Variants in SFTPC observed in about 807,000 individuals in gnomAD.
SFTPC encodes surfactant protein C, also known as BRICHOS domain containing 6.
In SFTPC, 12 loss-of-function variants were observed where a neutral mutation model predicts 19.9. The observed-to-expected ratio is 0.60, with a 90% CI of 0.39 to 0.98. The LOEUF is 0.98. Ranked by LOEUF, SFTPC falls within the 50% of genes least tolerant of loss-of-function variation. The pLI is 0.00. For missense variants in SFTPC, 219 were observed against 252.2 expected, an observed-to-expected ratio of 0.87 and a Z score of 0.89; for synonymous variants, 123 against 103.3, an observed-to-expected ratio of 1.19 and a Z score of -1.16.
upstream of SFTPC, chr8:22,159,603 C>T (rs1827634111): frequency 7.3e-6 from 3 of 411,722 alleles, no homozygotes; most frequent in South Asian, 5.3e-5. Flanking sequence ...CGCCACAGAG[C>T]TTGTGACAGC....
At chr8:22,164,100 C>T (rs1214162044) in intron 5 of SFTPC, 41 bp downstream of exon 5, 32 of 1,610,060 alleles carry the variant, frequency 2.0e-5, no homozygotes, top group Non-Finnish European at 2.6e-5. Flanking sequence ...GAGGAGCGCT[C>T]GGGCCACCTG....
At position 22,161,818 on chromosome 8, in the gene SFTPC, CCT is replaced by C. The variant is rs760698424; in HGVS notation, c.-10_-9del. The C allele has an allele frequency of 6.2e-7, 1 of 1,614,086 alleles. No individual in the cohort carries two copies. The highest frequency in any genetic ancestry group is 8.5e-7 in the Non-Finnish European group (1 of 1,180,024). On this transcript the variant is annotated 5_prime_UTR_variant, in exon 1 of 6. Coordinates refer to ENST00000679463, the MANE Select transcript of SFTPC (RefSeq NM_001317778.2). ...GAGAGGAGGAGAGGAGAGCATAGCA[CCT>C]GCAGCAAGATGGATGTGGGCAGCAA... is the stretch of plus-strand genomic sequence containing the variant.
chr8:22,162,216 G>A (rs1827763420), intron 1 of SFTPC, among the ~76,000 whole-genome samples: 2 of 152,190 alleles, frequency 1.3e-5, no homozygotes, highest in African/African-American at 4.8e-5. Flanking sequence ...TGGAGAAGGA[G>A]GAAGGCATTC....
intron 2 of SFTPC, 109 bp from the exon 3 acceptor site, chr8:22,162,971 C>G: frequency 6.5e-7 from 1 of 1,528,958 alleles, no homozygotes; most frequent in South Asian, 1.2e-5. Flanking sequence ...TCCCTGAACT[C>G]TTGGGAAAGA....
Position 22,161,863 on chromosome 8 carries a change from G to A in SFTPC, c.35G>A (p.Ser12Asn), listed in dbSNP as rs1827738336. ...GGCAGCAAAGAGGTCCTGATGGAGA[G>A]CCCGCCGGTGAGTGTGGTTGCGTGT... ...DVGSKEVLME[S>N]PPDYSAAPRG... The change falls in exon 1 of 6, where the codon AGC (serine) becomes AAC (asparagine). Residue 12 changes from serine (S) to asparagine (N), a missense_variant. By Grantham distance (46) the Ser-to-Asn change is conservative. Coordinates refer to ENST00000679463, the MANE Select transcript of SFTPC (RefSeq NM_001317778.2). The A allele has an allele frequency of 1.2e-6, 2 of 1,613,916 alleles. No homozygotes were observed. The highest frequency in any genetic ancestry group is 1.1e-5 in the South Asian group (1 of 91,086).
At chr8:22,161,528 G>A, upstream of SFTPC, 1 of 591,018 alleles carries the variant, frequency 1.7e-6, no homozygotes, top group South Asian at 2.0e-5. Context: ...ACGCCAGGAA[G>A]ACACCCATGG....
At chr8:22,159,699 CCAG>C (rs954790076), upstream of SFTPC, 10 of 1,014,682 alleles carry the variant, frequency 9.9e-6, no homozygotes, top group African/African-American at 1.7e-4. Flanking sequence ...CTCCCAGCAC[CCAG>C]CGATGGCGGC....
rs765120009 is a variant in SFTPC, at chr8:22,162,558, TG to T, written c.43-15del. 2.5e-6 allele frequency: 4 copies of T among 1,613,152 alleles called. No homozygotes were observed. The Admixed American group carries it at 5.0e-5, about 20-fold the overall frequency. ...ATGACCTCATGCCTGTCTCCTTGCC[TG>T]CCCCACCGTGTCAGGACTACTCCGC... is the stretch of plus-strand genomic sequence containing the variant. On this transcript the variant is annotated splice_polypyrimidine_tract_variant and intron_variant, in intron 1 of 5. Coordinates refer to ENST00000679463, the MANE Select transcript of SFTPC (RefSeq NM_001317778.2).
chr8:22,164,107 C>T (rs568615387), intron 5 of SFTPC, 48 bp downstream of exon 5: 1 of 1,609,186 alleles, frequency 6.2e-7, no homozygotes, highest in Non-Finnish European at 8.5e-7. Flanking sequence ...GCTCGGGCCA[C>T]CTGCCCGGGC....
At chr8:22,157,717 C>G (rs1413794506), upstream of SFTPC, 1 of 152,136 alleles carries the variant, frequency 6.6e-6, no homozygotes, top group Non-Finnish European at 1.5e-5. Flanking sequence ...ATGATTTGCC[C>G]TTTTCACTTC....
At chr8:22,160,331 G>A (rs1386131057), upstream of SFTPC, among the ~76,000 whole-genome samples, 1 of 152,194 alleles carries the variant, frequency 6.6e-6, no homozygotes, top group Non-Finnish European at 1.5e-5. Flanking sequence ...TAAAGGACAG[G>A]AGGCTGGTTG....
At chr8:22,157,483 G>A (rs1199395390), upstream of SFTPC, 1 of 154,422 alleles carries the variant, frequency 6.5e-6, no homozygotes, top group African/African-American at 2.4e-5. Flanking sequence ...AATCGTTTGA[G>A]GCAGGTGATA....
At chr8:22,163,585 C>A in intron 4 of SFTPC, 39 bp downstream of exon 4, 1 of 1,406,980 alleles carries the variant, frequency 7.1e-7, no homozygotes, top group Non-Finnish European at 1.0e-6. Context: ...CTGTCTCCCT[C>A]CCAGGGCTGC....
upstream of SFTPC, among the ~76,000 whole-genome samples, chr8:22,160,014 C>T (rs1358872977): frequency 6.6e-6 from 1 of 152,202 alleles, no homozygotes; most frequent in Admixed American, 6.5e-5. Context: ...GTGGGCTCCC[C>T]CTCCTCCCGG....
upstream of SFTPC, among the ~76,000 whole-genome samples, chr8:22,160,546 C>T (rs567867391): frequency 1.1e-3 from 163 of 152,268 alleles, no homozygotes; most frequent in South Asian, 4.6e-3. Flanking sequence ...AGGAGGTCAA[C>T]GCTGCAGTGA....
chr8:22,163,303 C>G, intron 3 of SFTPC, 101 bp downstream of exon 3: 2 of 1,571,364 alleles, frequency 1.3e-6, no homozygotes, highest in South Asian at 2.2e-5. Context: ...CCCTCTCCTC[C>G]AGACCTTTTT....
chr8:22,164,176 A>G lies in SFTPC; in HGVS notation c.*19-90A>G, dbSNP rs573006492. ...GGCGTCCACTGAAGCGGGGTCATCC[A>G]GGCAACTCGGGGGAGGGGAAGCTCA... On this transcript the variant is annotated intron_variant, in intron 5 of 5. Coordinates refer to ENST00000679463, the MANE Select transcript of SFTPC (RefSeq NM_001317778.2). 1.5e-4 allele frequency: 229 copies of G among 1,540,066 alleles called. 1 individual carries two copies. The highest frequency in any genetic ancestry group is 2.0e-4 in the Non-Finnish European group (226 of 1,146,306).
At position 22,163,964 on chromosome 8, in the gene SFTPC, C is replaced by A. The variant is rs1412548493; in HGVS notation, c.499C>A (p.Pro167Thr). ...AGAGGGGCGAGATGCAGGCTCAGCACCCTCCGGAGGGGACCCGGCCTTCCT... is the reference window on the plus strand; with the variant it reads ...AGAGGGGCGAGATGCAGGCTCAGCAACCTCCGGAGGGGACCCGGCCTTCCT... ...QAEGRDAGSA[P>T]SGGDPAFLGM... The change falls in exon 5 of 6, where the codon CCC becomes ACC. Residue 167 changes from proline to threonine, a missense_variant. Pro to Thr is a conservative substitution (Grantham distance 38). Transcript: ENST00000679463. The A allele has an allele frequency of 1.9e-6, 3 of 1,613,304 alleles. No individual in the cohort carries two copies. The East Asian group carries it at 6.7e-5, about 36-fold the overall frequency.
At chr8:22,163,665 C>A in intron 4 of SFTPC, 119 bp downstream of exon 4, 1 of 819,638 alleles carries the variant, frequency 1.2e-6, no homozygotes, top group Non-Finnish European at 2.1e-6. Context: ...TGCCAGCTGA[C>A]TGCCCCTCTC....
Sources: allele counts gnomAD v4.1 joint callset (sites outside exome capture counted in the v4.1 genomes callset), GRCh38; gene constraint gnomAD v4.1.1; transcripts MANE v1.5; gene names NCBI Gene and HGNC (gene_info 2026-07-23, HGNC 2026-07-21).